MACROD2: variants seen among roughly 807,000 people sequenced by gnomAD.
The protein encoded by MACROD2 is mono-ADP ribosylhydrolase 2.
A neutral mutation model predicts 70.4 loss-of-function variants in MACROD2; 36 were observed. The ratio of observed to expected loss-of-function variants is 0.51; its 90% confidence interval spans 0.39 to 0.68. MACROD2 has a LOEUF of 0.68. Among genes scored for constraint, MACROD2 ranks in the 30% least tolerant of loss-of-function variants. The pLI is 0.00. For missense variants in MACROD2, 496 were observed against 538.4 expected, an observed-to-expected ratio of 0.92 and a Z score of 0.78; for synonymous variants, 172 against 178.8, an observed-to-expected ratio of 0.96 and a Z score of 0.30.
intron 3 of MACROD2, among the ~76,000 whole-genome samples, chr20:14,472,498 T>C (rs1056950318): frequency 6.6e-6 from 1 of 152,190 alleles, no homozygotes; most frequent in African/African-American, 2.4e-5. Flanking sequence ...AAATAGCCTA[T>C]TTATTAATGT....
At chr20:14,850,183 C>A (rs2073185335) in intron 5 of MACROD2, 2 of 314,918 alleles carry the variant, frequency 6.4e-6, no homozygotes, top group Non-Finnish European at 1.3e-5. Context: ...AGCTGGAAAA[C>A]AAAAAGCATG....
At chr20:15,535,145 T>A (rs2146554877) in intron 8 of MACROD2, among the ~76,000 whole-genome samples, 1 of 152,130 alleles carries the variant, frequency 6.6e-6, no homozygotes, top group East Asian at 1.9e-4. Flanking sequence ...TCAGCTAATT[T>A]TTTAAAATTT....
chr20:14,629,952 G>GTTCTATCTATCTATCTATTT (rs201078091), intron 4 of MACROD2, among the ~76,000 whole-genome samples: 30 of 129,138 alleles, frequency 2.3e-4, no homozygotes, highest in African/African-American at 8.1e-4. Flanking sequence ...TATGTGCTAA[G>GTTCTATCTATCTATCTATTT]GTCTATCTAT....
chr20:15,953,698 T>A (rs1044280882), intron 12 of MACROD2, among the ~76,000 whole-genome samples: 8 of 152,198 alleles, frequency 5.3e-5, no homozygotes, highest in African/African-American at 1.9e-4. Context: ...TTAAAGTCAG[T>A]GATGCCTAGA....
At chr20:14,694,363 A>AT (rs2071097345) in intron 5 of MACROD2, among the ~76,000 whole-genome samples, 1 of 152,098 alleles carries the variant, frequency 6.6e-6, no homozygotes, top group Admixed American at 6.5e-5. Context: ...AAATTACTTA[A>AT]TTTTTCCCAG....
chr20:15,516,586 T>C lies in MACROD2; in HGVS notation c.645+16739T>C, dbSNP rs936104289. ...GGACAGAGTCAAGGAAGACTCTGGG[T>C]GCGTTCTGGTTTGAACAGAAGGTAG... On this transcript the variant is annotated intron_variant, in intron 8 of 17. Coordinates refer to ENST00000684519, the MANE Select transcript of MACROD2 (RefSeq NM_001351661.2). Among the ~76,000 whole-genome samples, 5 of 152,134 alleles carry C rather than the reference T, an allele frequency of 3.3e-5. No individual in the cohort carries two copies. The East Asian group carries it at 7.7e-4, about 23-fold the overall frequency.
At chr20:14,728,068 C>T (rs1023179214) in intron 5 of MACROD2, among the ~76,000 whole-genome samples, 1 of 152,026 alleles carries the variant, frequency 6.6e-6, no homozygotes, top group Non-Finnish European at 1.5e-5. Flanking sequence ...GTAATTTCTT[C>T]TCTTATTTAA....
intron 5 of MACROD2, among the ~76,000 whole-genome samples, chr20:14,797,133 G>A (rs1020822401): frequency 6.6e-6 from 1 of 151,946 alleles, no homozygotes; most frequent in Non-Finnish European, 1.5e-5. Flanking sequence ...CTCCTTCTCT[G>A]TATTCATTGA....
At chr20:15,863,089 T>C (rs1255121406) in intron 9 of MACROD2, among the ~76,000 whole-genome samples, 5 of 152,072 alleles carry the variant, frequency 3.3e-5, no homozygotes, top group Non-Finnish European at 7.4e-5. Context: ...GGGCTAATTA[T>C]TAATAAAAGA....
intron 5 of MACROD2, among the ~76,000 whole-genome samples, chr20:14,928,282 CCAAA>C (rs2074257469): frequency 6.6e-6 from 1 of 152,146 alleles, no homozygotes; most frequent in Non-Finnish European, 1.5e-5. Context: ...TGTCAAGTCA[CCAAA>C]CACTCAGAAA....
chr20:15,089,403 T>G (rs6043088), intron 5 of MACROD2, among the ~76,000 whole-genome samples: 58,898 of 151,826 alleles, frequency 0.39, 12,102 homozygotes, highest in African/African-American at 0.52. Flanking sequence ...TTGCCAAGTA[T>G]AATTAAGAAA....
chr20:15,814,180 T>A (rs1278452080), intron 8 of MACROD2, among the ~76,000 whole-genome samples: 1 of 152,186 alleles, frequency 6.6e-6, no homozygotes, highest in African/African-American at 2.4e-5. Context: ...CTGTTCACAT[T>A]GGACCTTAAC....
intron 4 of MACROD2, 135 bp downstream of exon 4, chr20:14,493,643 C>A: frequency 3.1e-6 from 2 of 649,860 alleles, no homozygotes; most frequent in Non-Finnish European, 5.3e-6. Context: ...GTTAATCTTT[C>A]AAAAATAATT....
At chr20:15,824,588 A>G (rs1250545732) in intron 8 of MACROD2, among the ~76,000 whole-genome samples, 1 of 152,174 alleles carries the variant, frequency 6.6e-6, no homozygotes, top group Non-Finnish European at 1.5e-5. Flanking sequence ...GTGATGCTAG[A>G]TATTCTTCTG....
intron 4 of MACROD2, among the ~76,000 whole-genome samples, chr20:14,612,273 A>G (rs905910304): frequency 1.3e-5 from 2 of 152,168 alleles, no homozygotes; most frequent in African/African-American, 4.8e-5. Context: ...ATAACTATTT[A>G]GATAACATAA....
At chr20:15,128,989 G>A (rs556963643) in intron 5 of MACROD2, among the ~76,000 whole-genome samples, 1 of 151,920 alleles carries the variant, frequency 6.6e-6, no homozygotes, top group Non-Finnish European at 1.5e-5. Flanking sequence ...TGGGTATTTG[G>A]AAGAGTGGAG....
chr20:14,868,237 G>C (rs2073449492), intron 5 of MACROD2, among the ~76,000 whole-genome samples: 1 of 150,242 alleles, frequency 6.7e-6, no homozygotes, highest in African/African-American at 2.5e-5. Context: ...GCCCAGGCTG[G>C]AATACAGTGG....
chr20:15,879,834 C>A (rs147261523), intron 9 of MACROD2, among the ~76,000 whole-genome samples: 1 of 152,020 alleles, frequency 6.6e-6, no homozygotes, highest in African/African-American at 2.4e-5. Context: ...AGTCTGAGTT[C>A]AAAGGCCTGA....
intron 2 of MACROD2, among the ~76,000 whole-genome samples, chr20:14,044,217 T>C (rs989933974): frequency 5.9e-5 from 9 of 151,408 alleles, no homozygotes; most frequent in Non-Finnish European, 1.0e-4. Context: ...TCGCGGTGAG[T>C]GTTACAGCTC....
Sources: allele counts gnomAD v4.1 joint callset (sites outside exome capture counted in the v4.1 genomes callset), GRCh38; gene constraint gnomAD v4.1.1; transcripts MANE v1.5; gene names NCBI Gene and HGNC (gene_info 2026-07-23, HGNC 2026-07-21).